The following ZHX3 variants were observed in gnomAD, a reference collection of about 807,000 sequenced individuals.
ZHX3 encodes zinc fingers and homeoboxes 3, also known as zinc fingers and homeoboxes protein 3.
In ZHX3, 20 loss-of-function variants were observed where a neutral mutation model predicts 64.5. The observed-to-expected ratio is 0.31, with a 90% CI of 0.22 to 0.45. ZHX3 has a LOEUF of 0.45. Among genes scored for constraint, ZHX3 ranks in the 20% least tolerant of loss-of-function variants. The probability of loss-of-function intolerance (pLI) is 1.00; values close to 1 mark genes in which losing one functional copy is unlikely to be tolerated. For missense variants in ZHX3, 1,041 were observed against 1,195.8 expected (o/e 0.87, Z 1.91); for synonymous variants, 423 against 461.6 (o/e 0.92, Z 1.07).
intron 2 of ZHX3, among the ~76,000 whole-genome samples, chr20:41,223,639 C>A (rs983161213): frequency 6.6e-6 from 1 of 152,118 alleles, no homozygotes; most frequent in Non-Finnish European, 1.5e-5. Flanking sequence ...TTGCCCCTGG[C>A]GAGGGGAAGA....
At chr20:41,317,151 G>C (rs1458553209) in intron 1 of ZHX3, 4 of 151,278 alleles carry the variant, frequency 2.6e-5, no homozygotes, top group Admixed American at 1.3e-4. Flanking sequence ...GAACGCCCCC[G>C]CTTCCCCTCT....
At chr20:41,243,589 C>A (rs927677318) in intron 2 of ZHX3, among the ~76,000 whole-genome samples, 2 of 152,102 alleles carry the variant, frequency 1.3e-5, no homozygotes, top group Non-Finnish European at 2.9e-5. Flanking sequence ...TAGTTGGATA[C>A]CAGACTGAAT....
chr20:41,197,198 T>A (rs988265623), intron 3 of ZHX3: 2 of 149,056 alleles, frequency 1.3e-5, no homozygotes, highest in Admixed American at 1.4e-4. Context: ...TATATATATA[T>A]AACATGTTAT....
intron 1 of ZHX3, among the ~76,000 whole-genome samples, chr20:41,282,010 G>A (rs1050958888): frequency 2.2e-4 from 34 of 152,064 alleles, no homozygotes; most frequent in African/African-American, 8.2e-4. Context: ...AGGTAGAATC[G>A]GTAGTCCTTC....
rs900604234 is a variant in ZHX3 at position 41,226,459 on chromosome 20, G to A, written c.-150-21393C>T. Among the ~76,000 whole-genome samples, 2 of 152,098 alleles carry A rather than the reference G, an allele frequency of 1.3e-5. No individual in the cohort carries two copies. The highest frequency in any genetic ancestry group is 4.8e-5 in the African/African-American group (2 of 41,398). On this transcript the variant is annotated intron_variant, in intron 2 of 3. Coordinates refer to ENST00000683867, the MANE Select transcript of ZHX3 (RefSeq NM_001384317.1). The surrounding 1 kb of genome is among the most constrained non-coding windows in gnomAD (Gnocchi z 4.4). The stretch of plus-strand genomic sequence containing the variant: ...TCATCCACTGATGGACATTTAGGTT[G>A]CTTCCCCCTCTTGGTTATTGTGAAT...
chr20:41,262,927 T>G, intron 2 of ZHX3, among the ~76,000 whole-genome samples: 1 of 152,204 alleles, frequency 6.6e-6, no homozygotes, highest in South Asian at 2.1e-4. Context: ...AGTTCTTGCT[T>G]TTGCTTTGAT....
At position 41,226,538 on chromosome 20, in the gene ZHX3, T is replaced by C. The variant is rs1424288239; in HGVS notation, c.-150-21472A>G. Among the ~76,000 whole-genome samples, 1 of 152,168 alleles carries C rather than the reference T, an allele frequency of 6.6e-6. No individual in the cohort carries two copies. The highest frequency in any genetic ancestry group is 6.5e-5 in the Admixed American group (1 of 15,274). On this transcript the variant is annotated intron_variant, in intron 2 of 3. Coordinates refer to ENST00000683867, the MANE Select transcript of ZHX3 (RefSeq NM_001384317.1). This position sits in a 1 kb window ranked among gnomAD's most constrained non-coding sequence, Gnocchi z 4.4. ...TATCTCTTTGGGATCTTATTTTTTA[T>C]TCTTTTGGGTATACACTTTTTCTTG...
At chr20:41,302,952 G>A (rs117846928) in intron 1 of ZHX3, among the ~76,000 whole-genome samples, 2,669 of 152,360 alleles carry the variant, frequency 0.018, 28 homozygotes, top group Non-Finnish European at 0.028. Context: ...AGAAGGGAGA[G>A]GACTCTAGTG....
chr20:41,305,554 A>C (rs540609879), intron 1 of ZHX3, among the ~76,000 whole-genome samples: 2 of 151,890 alleles, frequency 1.3e-5, no homozygotes. Context: ...GGAGGCCGGG[A>C]CGGGCGGATC....
intron 1 of ZHX3, among the ~76,000 whole-genome samples, chr20:41,303,664 A>G (rs972670532): frequency 2.0e-5 from 3 of 152,172 alleles, no homozygotes; most frequent in African/African-American, 7.2e-5. Context: ...GCTACTGGCC[A>G]TCTCCTGTGC....
intron 2 of ZHX3, among the ~76,000 whole-genome samples, chr20:41,215,949 A>C (rs76374019): frequency 1.4e-5 from 2 of 139,782 alleles, no homozygotes; most frequent in East Asian, 4.1e-4. Flanking sequence ...GAGACTGTCC[A>C]AAAAAAAAAA....
intron 1 of ZHX3, among the ~76,000 whole-genome samples, chr20:41,312,976 G>A: frequency 6.6e-6 from 1 of 152,126 alleles, no homozygotes. Context: ...AGGAGACAGG[G>A]AATCATCCAT....
At position 41,221,442 on chromosome 20, in the gene ZHX3, T is replaced by C. The variant is rs541881746; in HGVS notation, c.-150-16376A>G. On this transcript the variant is annotated intron_variant, in intron 2 of 3. Coordinates refer to ENST00000683867, the MANE Select transcript of ZHX3 (RefSeq NM_001384317.1). Reference sequence around the variant, plus strand: ...GAGGAACAAGTTTGCAGAGAAAAGATAGTCAATTCATTTAACAAATGTTTA... The same window carrying C: ...GAGGAACAAGTTTGCAGAGAAAAGACAGTCAATTCATTTAACAAATGTTTA... Among the ~76,000 whole-genome samples, 35 of 152,334 alleles carry C rather than the reference T, an allele frequency of 2.3e-4. 1 individual carries two copies. Among genetic ancestry groups the C allele is most frequent in the African/African-American group, 8.4e-4 (35 of 41,578 alleles).
intron 3 of ZHX3, among the ~76,000 whole-genome samples, chr20:41,196,371 T>TATATA (rs2037504944): frequency 1.3e-5 from 1 of 77,002 alleles, no homozygotes; most frequent in Non-Finnish European, 2.3e-5. Flanking sequence ...AATATATATA[T>TATATA]TTATATAACA....
chr20:41,243,997 A>C (rs979325899), intron 2 of ZHX3, among the ~76,000 whole-genome samples: 1 of 152,122 alleles, frequency 6.6e-6, no homozygotes, highest in Non-Finnish European at 1.5e-5. Context: ...CACCTCTTAC[A>C]TCAGGGTTTC....
chr20:41,197,752 A>G (rs1396999177), intron 3 of ZHX3, among the ~76,000 whole-genome samples: 1 of 151,052 alleles, frequency 6.6e-6, no homozygotes, highest in Non-Finnish European at 1.5e-5. Context: ...TTCCATTACT[A>G]CCTCCTTTTG....
chr20:41,249,728 A>G (rs905833071), intron 2 of ZHX3, among the ~76,000 whole-genome samples: 1 of 152,198 alleles, frequency 6.6e-6, no homozygotes, highest in African/African-American at 2.4e-5. Flanking sequence ...GTCTAAACCC[A>G]TTTCTCTCCC....
chr20:41,242,813 T>C (rs1398045300), intron 2 of ZHX3, among the ~76,000 whole-genome samples: 1 of 152,204 alleles, frequency 6.6e-6, no homozygotes, highest in Non-Finnish European at 1.5e-5. Flanking sequence ...ACTTCCATTG[T>C]TTAATAATTA....
At chr20:41,262,088 G>A (rs968999083) in intron 2 of ZHX3, among the ~76,000 whole-genome samples, 4 of 152,156 alleles carry the variant, frequency 2.6e-5, no homozygotes, top group Non-Finnish European at 5.9e-5. Flanking sequence ...GGTAATTTTA[G>A]ATTCTGCCCC....
Sources: allele counts gnomAD v4.1 joint callset (sites outside exome capture counted in the v4.1 genomes callset), GRCh38; gene constraint gnomAD v4.1.1; non-coding constraint Gnocchi (gnomAD v3.1); transcripts MANE v1.5; gene names NCBI Gene and HGNC (gene_info 2026-07-23, HGNC 2026-07-21).